Variants in PIKFYVE observed in about 807,000 individuals in gnomAD.
PIKFYVE encodes the protein phosphoinositide kinase, FYVE-type zinc finger containing, also known as 1-phosphatidylinositol 3-phosphate 5-kinase.
In PIKFYVE, 122 loss-of-function variants were observed where a neutral mutation model predicts 257.9. That is an observed-to-expected ratio of 0.47 (90% CI 0.41 to 0.55). The LOEUF is 0.55. Ranked by LOEUF, PIKFYVE falls within the 20% of genes least tolerant of loss-of-function variation. PIKFYVE has a pLI of 0.00. For synonymous variants in PIKFYVE, 892 were observed against 868.9 expected, an observed-to-expected ratio of 1.03 and a Z score of -0.47; for missense variants, 2,160 against 2,536.6, an observed-to-expected ratio of 0.85 and a Z score of 3.19.
At chr2:208,307,272 G>C (rs964273583) in intron 12 of PIKFYVE, among the ~76,000 whole-genome samples, 1 of 152,174 alleles carries the variant, frequency 6.6e-6, no homozygotes, top group Non-Finnish European at 1.5e-5. Flanking sequence ...AACTAGGCCA[G>C]TTATTTGGGA....
At chr2:208,352,848 A>C (rs1035807760) in intron 39 of PIKFYVE, 66 bp downstream of exon 39, 2 of 1,554,368 alleles carry the variant, frequency 1.3e-6, no homozygotes, top group Admixed American at 3.4e-5. Context: ...GTTCTTAAAT[A>C]TAGTGAATCA....
intron 12 of PIKFYVE, among the ~76,000 whole-genome samples, chr2:208,309,704 T>C (rs1694741504): frequency 6.6e-6 from 1 of 152,198 alleles, no homozygotes; most frequent in South Asian, 2.1e-4. Context: ...GATTCAGTAG[T>C]TGGGAGTAGT....
At chr2:208,353,679 T>G (rs767927500) in intron 39 of PIKFYVE, among the ~76,000 whole-genome samples, 4 of 152,194 alleles carry the variant, frequency 2.6e-5, no homozygotes. Flanking sequence ...GTGTTAATTT[T>G]AAATGATAGA....
At chr2:208,272,803 A>C (rs1486316273) in intron 2 of PIKFYVE, among the ~76,000 whole-genome samples, 3 of 152,038 alleles carry the variant, frequency 2.0e-5, no homozygotes, top group Non-Finnish European at 4.4e-5. Flanking sequence ...TTAAAAAAAA[A>C]AACTATTTTT....
intron 4 of PIKFYVE, among the ~76,000 whole-genome samples, chr2:208,277,166 A>T: frequency 6.6e-6 from 1 of 152,148 alleles, no homozygotes; most frequent in Non-Finnish European, 1.5e-5. Flanking sequence ...CCAGTTGGAT[A>T]TAGTACCATT....
intron 32 of PIKFYVE, among the ~76,000 whole-genome samples, chr2:208,343,095 G>A (rs1409114115): frequency 1.3e-5 from 2 of 152,212 alleles, no homozygotes; most frequent in Middle Eastern, 3.4e-3. Flanking sequence ...ATGCCTGGCA[G>A]CTTGTTCTTT....
chr2:208,291,022 T>G (rs1285186761), intron 7 of PIKFYVE, among the ~76,000 whole-genome samples: 2 of 152,192 alleles, frequency 1.3e-5, no homozygotes, highest in East Asian at 3.9e-4. Flanking sequence ...TAGCTAAAAC[T>G]TCTAGTCCAA....
chr2:208,351,509 C>T, intron 38 of PIKFYVE, 54 bp downstream of exon 38: 8 of 1,336,868 alleles, frequency 6.0e-6, no homozygotes, highest in Non-Finnish European at 7.5e-6. Flanking sequence ...TTTTTCACAT[C>T]CTGAATCTTT....
intron 14 of PIKFYVE, 132 bp from the exon 15 acceptor site, chr2:208,315,061 T>C: frequency 1.2e-6 from 1 of 847,768 alleles, no homozygotes; most frequent in Non-Finnish European, 1.9e-6. Flanking sequence ...AGAATGATAT[T>C]GACCTAGAAA....
At chr2:208,341,476 T>C (rs1369419124) in intron 31 of PIKFYVE, among the ~76,000 whole-genome samples, 1 of 152,178 alleles carries the variant, frequency 6.6e-6, no homozygotes, top group East Asian at 1.9e-4. Flanking sequence ...TATGCTCTTA[T>C]GATTCCTGTC....
At position 208,283,261 on chromosome 2, in the gene PIKFYVE, T is replaced by C. The variant is rs1352351998; in HGVS notation, c.614-2465T>C. Among the ~76,000 whole-genome samples, 6 of 152,244 alleles carry C rather than the reference T, an allele frequency of 3.9e-5. No individual in the cohort carries two copies. In the East Asian group the frequency reaches 1.2e-3, roughly 29 times the overall value. On this transcript the variant is annotated intron_variant, in intron 5 of 41. Coordinates refer to ENST00000264380, the MANE Select transcript of PIKFYVE (RefSeq NM_015040.4). ...TATTGATGGTAATAGCAATAGTATC[T>C]GCATCTGTCATGCAGCTTTTTGGTT...
At chr2:208,311,465 C>T (rs537653907) in intron 12 of PIKFYVE, among the ~76,000 whole-genome samples, 29 of 152,120 alleles carry the variant, frequency 1.9e-4, no homozygotes, top group African/African-American at 6.3e-4. Context: ...GATCCTTTAC[C>T]GTAAAGGAGT....
intron 35 of PIKFYVE, 68 bp downstream of exon 35, chr2:208,348,091 C>G: frequency 6.5e-7 from 1 of 1,548,986 alleles, no homozygotes; most frequent in Non-Finnish European, 8.9e-7. Flanking sequence ...GCATATATTT[C>G]TTATAGCCTT....
At chr2:208,338,797 G>C (rs1252327954) in intron 29 of PIKFYVE, among the ~76,000 whole-genome samples, 1 of 152,114 alleles carries the variant, frequency 6.6e-6, no homozygotes, top group Non-Finnish European at 1.5e-5. Context: ...GCTGCTATTA[G>C]GGGAAGAAAA....
At chr2:208,324,606 AC>A (rs1696700941) in intron 18 of PIKFYVE, among the ~76,000 whole-genome samples, 1 of 152,078 alleles carries the variant, frequency 6.6e-6, no homozygotes, top group Admixed American at 6.6e-5. Context: ...TGAAAAGTTT[AC>A]CCTGTGCAGA....
chr2:208,298,845 CT>C (rs1015732906), intron 8 of PIKFYVE, 66 bp downstream of exon 8: 137 of 1,505,308 alleles, frequency 9.1e-5, no homozygotes, highest in Non-Finnish European at 1.1e-4. Flanking sequence ...GTGACTGAGT[CT>C]TTTTTTTTCT....
At chr2:208,301,715 TCAC>T (rs1693704653) in intron 9 of PIKFYVE, among the ~76,000 whole-genome samples, 1 of 152,182 alleles carries the variant, frequency 6.6e-6, no homozygotes, top group Admixed American at 6.5e-5. Context: ...TGAGACTTCT[TCAC>T]CATGAGGAAA....
chr2:208,314,902 AAAAAAC>A (rs1695312707), intron 14 of PIKFYVE, among the ~76,000 whole-genome samples: 1 of 19,412 alleles, frequency 5.2e-5, no homozygotes, highest in Admixed American at 1.1e-3. Context: ...TCTCAGAGAA[AAAAAAC>A]AAAAACAAAA....
intron 1 of PIKFYVE, among the ~76,000 whole-genome samples, chr2:208,270,621 G>T (rs1689297084): frequency 6.6e-6 from 1 of 152,134 alleles, no homozygotes; most frequent in Admixed American, 6.5e-5. Flanking sequence ...TTGAGTAGTT[G>T]TCATAGGTCA....
Sources: allele counts gnomAD v4.1 joint callset (sites outside exome capture counted in the v4.1 genomes callset), GRCh38; gene constraint gnomAD v4.1.1; transcripts MANE v1.5; gene names NCBI Gene and HGNC (gene_info 2026-07-23, HGNC 2026-07-21).